F13B: variants seen among roughly 807,000 people sequenced by gnomAD.
The protein encoded by F13B is TGase.
A neutral mutation model predicts 79.8 loss-of-function variants in F13B; 58 were observed. The observed-to-expected ratio is 0.73, with a 90% confidence interval of 0.59 to 0.90. The LOEUF (loss-of-function observed/expected upper bound fraction) is 0.90, where lower values mean the gene tolerates loss of function less well. Ranked by LOEUF, F13B falls within the 40% of genes least tolerant of loss-of-function variation. The pLI, the probability that F13B is intolerant of heterozygous loss-of-function variation, is 0.00. For synonymous variants in F13B, 283 were observed against 260.3 expected (o/e 1.09, Z -0.84); for missense variants, 773 against 777.0 (o/e 0.99, Z 0.06).
chr1:197,049,289 AAG>A (rs1485640108), intron 10 of F13B, among the ~76,000 whole-genome samples: 1 of 152,088 alleles, frequency 6.6e-6, no homozygotes, highest in Non-Finnish European at 1.5e-5. Flanking sequence ...ATAAAATAGA[AAG>A]CAAAATTTGA....
chr1:197,047,463 A>G (rs2125059244), intron 10 of F13B, among the ~76,000 whole-genome samples: 1 of 152,344 alleles, frequency 6.6e-6, no homozygotes, highest in South Asian at 2.1e-4. Flanking sequence ...TCCAGTTACA[A>G]TGGCGATCAT....
At chr1:197,064,940 G>A (rs535456741) in intron 1 of F13B, among the ~76,000 whole-genome samples, 4 of 152,204 alleles carry the variant, frequency 2.6e-5, no homozygotes, top group South Asian at 2.1e-4. Context: ...ATGCTACTAT[G>A]AGACATAAAA....
chr1:197,050,090 G>T (rs1251457057), intron 10 of F13B, among the ~76,000 whole-genome samples: 1 of 152,058 alleles, frequency 6.6e-6, no homozygotes, highest in African/African-American at 2.4e-5. Context: ...TTTTACTTAT[G>T]AGAATGGGAA....
intron 10 of F13B, among the ~76,000 whole-genome samples, chr1:197,047,759 G>C (rs547981737): frequency 6.6e-6 from 1 of 152,244 alleles, no homozygotes; most frequent in Admixed American, 6.5e-5. Flanking sequence ...ATCAATGATA[G>C]ACTGGATTAA....
Position 197,057,397 on chromosome 1 carries a change from A to G in F13B, c.874T>C (p.Tyr292His), listed in dbSNP as rs1247793701. ...ATATGAACTATTTCTCCATGACGAT[A>G]AGTTGTTGAATGTGTTTGAATTTTG... Reference protein sequence around the residue: ...NSKIQTHSTTYRHGEIVHIEC... With the variant: ...NSKIQTHSTTHRHGEIVHIEC... The change falls in exon 6 of 12, where the codon TAT becomes CAT. Residue 292 changes from tyrosine to histidine, a missense_variant. Tyr to His is a moderately conservative substitution (Grantham distance 83, BLOSUM62 2). Coordinates refer to ENST00000367412, the MANE Select transcript of F13B (RefSeq NM_001994.3). The G allele has an allele frequency of 1.2e-6, 2 of 1,613,922 alleles. No individual in the cohort carries two copies. Among genetic ancestry groups the G allele is most frequent in the Admixed American group, 3.3e-5 (2 of 59,958 alleles).
At chr1:197,058,740 G>A (rs11810678) in intron 5 of F13B, among the ~76,000 whole-genome samples, 1 of 152,092 alleles carries the variant, frequency 6.6e-6, no homozygotes, top group African/African-American at 2.4e-5. Context: ...GTAAGGTAAC[G>A]TTTAATGGTT....
intron 11 of F13B, 164 bp downstream of exon 11, chr1:197,040,358 C>T: frequency 3.4e-6 from 2 of 590,046 alleles, no homozygotes; most frequent in South Asian, 2.3e-5. Flanking sequence ...AATTGATTAC[C>T]ACTTCCAGTT....
chr1:197,044,907 T>C (rs1323307324), intron 10 of F13B, among the ~76,000 whole-genome samples: 1 of 151,714 alleles, frequency 6.6e-6, no homozygotes, highest in Non-Finnish European at 1.5e-5. Flanking sequence ...CCTGAATGAC[T>C]ACTAGATAAA....
chr1:197,043,144 G>C (rs1655103385), intron 10 of F13B, among the ~76,000 whole-genome samples: 1 of 152,014 alleles, frequency 6.6e-6, no homozygotes, highest in Non-Finnish European at 1.5e-5. Flanking sequence ...TAAATAAAAA[G>C]TTACAGTGGG....
chr1:197,040,407 T>A, intron 11 of F13B, 115 bp downstream of exon 11: 1 of 706,810 alleles, frequency 1.4e-6, no homozygotes, highest in Middle Eastern at 3.9e-4. Context: ...AATATTATTA[T>A]TTTTTCTTTG....
Position 197,064,797 on chromosome 1 carries a change from TAAAAG to T in F13B, c.65-1745_65-1741del, listed in dbSNP as rs1196267986. Among the ~76,000 whole-genome samples, 7 of 152,232 alleles carry T rather than the reference TAAAAG, an allele frequency of 4.6e-5. No individual in the cohort carries two copies. In the South Asian group the frequency reaches 6.2e-4, roughly 14 times the overall value. On this transcript the variant is annotated intron_variant, in intron 1 of 11. Transcript: ENST00000367412. ...AAGATCTTAAAGTCATAAAAACACT[TAAAAG>T]AAAGAAATGCTCGAACAATCCTAGG...
At position 197,039,370 on chromosome 1, in the gene F13B, A is replaced by G. The variant is rs561861937; in HGVS notation, c.*8T>C. 5 of 1,606,958 alleles carry G rather than the reference A, an allele frequency of 3.1e-6. No individual in the cohort carries two copies. The highest frequency in any genetic ancestry group is 4.3e-6 in the Non-Finnish European group (5 of 1,174,536). ...TTGAAATATGACTCCTCTTTCTGCC[A>G]TTCATTTCTATGTTCTTAAGGGTTC... On this transcript the variant is annotated 3_prime_UTR_variant, in exon 12 of 12. Transcript: ENST00000367412.
Position 197,050,776 on chromosome 1 carries a change from A to C in F13B, c.1659T>G (p.Cys553Trp). 1 of 1,613,448 alleles carries C rather than the reference A, an allele frequency of 6.2e-7. No homozygotes were observed. The highest frequency in any genetic ancestry group is 8.5e-7 in the Non-Finnish European group (1 of 1,179,636). ...YENGSSVEYR[C>W]FDHHFLEGSR... ...ATCCTTCTAGGAAATGGTGATCAAA[A>C]CATCTGTATTCTACTGAAGAGCCAT... The change falls in exon 10 of 12, where the codon TGT becomes TGG. Residue 553 changes from cysteine (C) to tryptophan (W), a missense_variant. Physicochemically the swap from Cys to Trp is radical, Grantham distance 215. Coordinates refer to ENST00000367412, the MANE Select transcript of F13B (RefSeq NM_001994.3).
intron 8 of F13B, among the ~76,000 whole-genome samples, chr1:197,053,521 T>C (rs1345300228): frequency 6.6e-6 from 1 of 152,136 alleles, no homozygotes; most frequent in Non-Finnish European, 1.5e-5. Flanking sequence ...TCTTCTACCA[T>C]GATTGTGAGG....
chr1:197,063,727 T>C (rs919417061), intron 1 of F13B, among the ~76,000 whole-genome samples: 1 of 152,200 alleles, frequency 6.6e-6, no homozygotes. Flanking sequence ...GTTTTAATAA[T>C]AGGTTTTTAT....
intron 8 of F13B, among the ~76,000 whole-genome samples, chr1:197,053,102 T>C (rs1655509724): frequency 6.6e-6 from 1 of 152,036 alleles, no homozygotes; most frequent in Admixed American, 6.6e-5. Flanking sequence ...AGATTAATAA[T>C]AATTTTCTTT....
intron 2 of F13B, among the ~76,000 whole-genome samples, chr1:197,062,652 A>C (rs147538646): frequency 6.6e-6 from 1 of 152,182 alleles, no homozygotes; most frequent in Non-Finnish European, 1.5e-5. Flanking sequence ...TATTAAAAAC[A>C]GATACAGAAA....
chr1:197,067,256 A>T lies in F13B; in HGVS notation c.-33T>A, dbSNP rs772789635. 5 of 1,508,518 alleles carry T rather than the reference A, an allele frequency of 3.3e-6. No homozygotes were observed. Among genetic ancestry groups the T allele is most frequent in the Non-Finnish European group, 4.6e-6 (5 of 1,085,022 alleles). The allele number at this position is 1,508,518 out of a possible 1,614,324, so 93.4% of individuals were successfully genotyped here. ...GGTGTGCTTCACAAAGATTTTAACAATTCTAAGCACTAGGAACTTGTCATT... is the reference window on the plus strand; with the variant it reads ...GGTGTGCTTCACAAAGATTTTAACATTTCTAAGCACTAGGAACTTGTCATT... On this transcript the variant is annotated 5_prime_UTR_variant, in exon 1 of 12. In the 5' UTR this introduces an upstream ATG that the reference lacks. Coordinates refer to ENST00000367412, the MANE Select transcript of F13B (RefSeq NM_001994.3).
At chr1:197,043,217 C>CA (rs1174469868) in intron 10 of F13B, among the ~76,000 whole-genome samples, 1 of 152,132 alleles carries the variant, frequency 6.6e-6, no homozygotes, top group Admixed American at 6.5e-5. Context: ...ATACACACAA[C>CA]AAACCCTCTG....
Sources: gnomAD v4.1 joint callset for allele counts (sites outside exome capture counted in the v4.1 genomes callset) on GRCh38, gnomAD v4.1.1 for gene constraint, MANE v1.5 for transcripts, NCBI Gene and HGNC (gene_info 2026-07-23, HGNC 2026-07-21) for gene names.